MEI4: variants seen among roughly 807,000 people sequenced by gnomAD.
MEI4 encodes meiotic double-stranded break formation protein 4.
MEI4 carries 27 observed loss-of-function variants against 31.4 expected under a neutral mutation model. That is an observed-to-expected ratio of 0.86 (90% CI 0.63 to 1.19). MEI4 has a LOEUF of 1.19. Ranked by LOEUF, MEI4 falls within the 50% of genes most tolerant of loss-of-function variation. MEI4 has a pLI of 0.00. For missense variants in MEI4, 329 were observed against 398.9 expected (o/e 0.82, Z 1.49); for synonymous variants, 122 against 145.4 (o/e 0.84, Z 1.16).
intron 2 of MEI4, among the ~76,000 whole-genome samples, chr6:77,703,572 TTTTA>T (rs1319907053): frequency 5.9e-5 from 9 of 152,264 alleles, no homozygotes; most frequent in Middle Eastern, 3.4e-3. Context: ...TTTTGACAGG[TTTTA>T]TTTGTCTTTT....
intron 2 of MEI4, among the ~76,000 whole-genome samples, chr6:77,710,539 A>AAAAAG (rs1561953994): frequency 7.5e-5 from 9 of 120,764 alleles, no homozygotes; most frequent in African/African-American, 1.4e-4. Flanking sequence ...AAAAAAAAAA[A>AAAAAG]AAAGAAAAGG....
intron 3 of MEI4, among the ~76,000 whole-genome samples, chr6:77,821,287 T>G (rs924559711): frequency 6.6e-6 from 1 of 152,236 alleles, no homozygotes; most frequent in African/African-American, 2.4e-5. Flanking sequence ...TCAAGTTTAC[T>G]TGGTCAACTT....
intron 4 of MEI4, among the ~76,000 whole-genome samples, chr6:77,849,129 A>G (rs971006917): frequency 2.0e-5 from 3 of 152,174 alleles, no homozygotes; most frequent in Non-Finnish European, 2.9e-5. Flanking sequence ...TATTTCTGTG[A>G]AAAATAACAA....
At chr6:77,825,976 C>T (rs2127710309) in intron 3 of MEI4, among the ~76,000 whole-genome samples, 1 of 152,282 alleles carries the variant, frequency 6.6e-6, no homozygotes, top group Middle Eastern at 3.4e-3. Flanking sequence ...GAAAGAGCAT[C>T]ATATATTGGC....
intron 2 of MEI4, among the ~76,000 whole-genome samples, chr6:77,738,415 C>G (rs181223253): frequency 1.4e-4 from 22 of 152,100 alleles, no homozygotes; most frequent in African/African-American, 5.3e-4. Context: ...TTATTTGGCT[C>G]TTCTCTCTTT....
At chr6:77,680,291 A>T (rs1238151869) in intron 1 of MEI4, among the ~76,000 whole-genome samples, 2 of 150,956 alleles carry the variant, frequency 1.3e-5, no homozygotes, top group African/African-American at 4.9e-5. Context: ...TAAAAAATAA[A>T]AAAAAAATAA....
chr6:77,654,984 C>T (rs1021805256), intron 1 of MEI4, among the ~76,000 whole-genome samples: 4 of 151,838 alleles, frequency 2.6e-5, no homozygotes, highest in Non-Finnish European at 2.9e-5. Context: ...CATAGGTGTA[C>T]ACATGCTGCC....
intron 4 of MEI4, among the ~76,000 whole-genome samples, chr6:77,910,925 G>GT (rs58959367): frequency 0.01 from 1,222 of 120,542 alleles, 17 homozygotes; most frequent in African/African-American, 0.029. Flanking sequence ...CCAGCTTCTG[G>GT]TTTTTTTTTT....
At chr6:77,769,221 G>A (rs2127685846) in intron 3 of MEI4, among the ~76,000 whole-genome samples, 1 of 152,268 alleles carries the variant, frequency 6.6e-6, no homozygotes, top group South Asian at 2.1e-4. Context: ...CTGATTATGG[G>A]ACTTTGCTTT....
chr6:77,688,466 T>C (rs1769098967), intron 1 of MEI4, among the ~76,000 whole-genome samples: 1 of 152,148 alleles, frequency 6.6e-6, no homozygotes, highest in South Asian at 2.1e-4. Context: ...TATAATTTGA[T>C]CTTTCTTTCT....
At chr6:77,854,387 T>C (rs1347300919) in intron 4 of MEI4, among the ~76,000 whole-genome samples, 1 of 150,644 alleles carries the variant, frequency 6.6e-6, no homozygotes, top group Non-Finnish European at 1.5e-5. Context: ...TACAATGCAG[T>C]GTTAATGTCA....
At chr6:77,915,733 A>C (rs1411359579) in intron 4 of MEI4, among the ~76,000 whole-genome samples, 1 of 152,032 alleles carries the variant, frequency 6.6e-6, no homozygotes, top group Non-Finnish European at 1.5e-5. Flanking sequence ...AATATACAGT[A>C]GGGAAGATCT....
At chr6:77,754,410 C>G (rs1233628867) in intron 2 of MEI4, among the ~76,000 whole-genome samples, 1 of 152,184 alleles carries the variant, frequency 6.6e-6, no homozygotes, top group Non-Finnish European at 1.5e-5. Context: ...GCACCTGAGA[C>G]CACCTCAGCC....
At chr6:77,688,237 C>T (rs2127651597) in intron 1 of MEI4, among the ~76,000 whole-genome samples, 1 of 152,218 alleles carries the variant, frequency 6.6e-6, no homozygotes, top group South Asian at 2.1e-4. Context: ...CATTTATAAA[C>T]ACACACATTT....
intron 2 of MEI4, among the ~76,000 whole-genome samples, chr6:77,731,478 T>G (rs1766989861): frequency 1.3e-5 from 2 of 151,374 alleles, no homozygotes; most frequent in South Asian, 4.2e-4. Context: ...TGGGGTTGTT[T>G]GTTTTTTTCT....
chr6:77,778,418 A>G (rs1406355053), intron 3 of MEI4, among the ~76,000 whole-genome samples: 1 of 152,044 alleles, frequency 6.6e-6, no homozygotes, highest in Non-Finnish European at 1.5e-5. Context: ...GTAAAAATCC[A>G]GGCTAGGTGT....
upstream of MEI4, among the ~76,000 whole-genome samples, chr6:77,650,341 C>T (rs1244715960): frequency 6.6e-6 from 1 of 152,194 alleles, no homozygotes; most frequent in East Asian, 1.9e-4. Flanking sequence ...CCAAGAGGGG[C>T]AGAAGGGGTC....
chr6:77,668,874 C>T (rs1768685515), intron 1 of MEI4, among the ~76,000 whole-genome samples: 1 of 152,114 alleles, frequency 6.6e-6, no homozygotes, highest in Non-Finnish European at 1.5e-5. Flanking sequence ...GTGATATTTT[C>T]TGTGTTTTTT....
chr6:77,658,936 A>G (rs187694202), intron 1 of MEI4, among the ~76,000 whole-genome samples: 12,460 of 151,862 alleles, frequency 0.082, 693 homozygotes, highest in East Asian at 0.22. Flanking sequence ...ATTTAGGTAA[A>G]AACAACACTC....
Sources: allele counts gnomAD v4.1 joint callset (sites outside exome capture counted in the v4.1 genomes callset), GRCh38; gene constraint gnomAD v4.1.1; transcripts MANE v1.5; gene names NCBI Gene and HGNC (gene_info 2026-07-23, HGNC 2026-07-21).